DACH2: variants seen among roughly 807,000 people sequenced by gnomAD.
DACH2 encodes dachshund homolog 2.
In DACH2, 17 loss-of-function variants were observed where a neutral mutation model predicts 35.8. The ratio of observed to expected loss-of-function variants is 0.48; its 90% CI spans 0.33 to 0.71. DACH2 has a LOEUF of 0.71. DACH2 is among the 30% of genes least tolerant of loss of function. The pLI is 0.02. For synonymous variants in DACH2, 195 were observed against 177.3 expected, an observed-to-expected ratio of 1.10 and a Z score of -0.79; for missense variants, 469 against 472.7, an observed-to-expected ratio of 0.99 and a Z score of 0.07.
At chrX:86,699,291 T>C (rs1193855810) in intron 5 of DACH2, among the ~76,000 whole-genome samples, 1 of 112,412 alleles carries the variant, frequency 8.9e-6, no homozygotes, top group African/African-American at 3.2e-5. Flanking sequence ...TTTTCTAAGA[T>C]AGACCATGGA....
intron 6 of DACH2, 132 bp downstream of exon 6, chrX:86,714,852 G>A (rs1370226499): frequency 1.8e-6 from 1 of 548,708 alleles, no homozygotes. Flanking sequence ...CAGTATTGAT[G>A]GGTTTAGTTT....
intron 2 of DACH2, among the ~76,000 whole-genome samples, chrX:86,428,583 A>G (rs1458094856): frequency 8.9e-6 from 1 of 112,175 alleles, no homozygotes; most frequent in East Asian, 2.8e-4. Flanking sequence ...TATTATTAGA[A>G]CTGAAAAACA....
chrX:86,150,459 G>T (rs1353535146), intron 1 of DACH2, among the ~76,000 whole-genome samples: 1 of 112,287 alleles, frequency 8.9e-6, no homozygotes, highest in Non-Finnish European at 1.9e-5. Flanking sequence ...GCAAACTGTT[G>T]CTTACTGCTG....
At chrX:86,385,145 A>C (rs2036104786) in intron 2 of DACH2, among the ~76,000 whole-genome samples, 1 of 111,747 alleles carries the variant, frequency 8.9e-6, no homozygotes, top group Non-Finnish European at 1.9e-5. Context: ...AAATGAAACT[A>C]GTCTAAATTA....
intron 2 of DACH2, among the ~76,000 whole-genome samples, chrX:86,414,957 G>T (rs1045500947): frequency 2.7e-5 from 3 of 111,035 alleles, no homozygotes; most frequent in African/African-American, 6.6e-5. Context: ...TCCTTCTTTG[G>T]CAGCAGCCTC....
At chrX:86,424,324 TA>T (rs1044609085) in intron 2 of DACH2, among the ~76,000 whole-genome samples, 3 of 111,270 alleles carry the variant, frequency 2.7e-5, no homozygotes, top group Non-Finnish European at 3.8e-5. Context: ...GAAAATGAAA[TA>T]TTTTTTTCTA....
intron 1 of DACH2, among the ~76,000 whole-genome samples, chrX:86,247,998 A>C (rs144586829): frequency 2.3e-3 from 251 of 111,208 alleles, no homozygotes; most frequent in African/African-American, 7.9e-3. Context: ...ATATCCCTTC[A>C]TGATAAAACT....
chrX:86,715,185 C>T (rs1357323382), intron 6 of DACH2, among the ~76,000 whole-genome samples: 1 of 111,404 alleles, frequency 9.0e-6, no homozygotes, highest in Non-Finnish European at 1.9e-5. Flanking sequence ...CCCTCCTGAA[C>T]ATGTTTCCTC....
chrX:86,684,213 G>C lies in DACH2; in HGVS notation c.773-10808G>C, dbSNP rs2040915623. Among the ~76,000 whole-genome samples, 3 of 111,853 alleles carry C rather than the reference G, an allele frequency of 2.7e-5. No homozygotes were observed. The South Asian group carries it at 1.1e-3, about 41-fold the overall frequency. ...CGATTTATTGGTCAACATGAATTCT[G>C]TTGTCTAGAGACTGCATTATGGTTT... On this transcript the variant is annotated intron_variant, in intron 4 of 11. Coordinates refer to ENST00000373125, the MANE Select transcript of DACH2 (RefSeq NM_053281.3).
chrX:86,330,069 T>C (rs1044944520), intron 1 of DACH2, among the ~76,000 whole-genome samples: 1 of 112,043 alleles, frequency 8.9e-6, no homozygotes, highest in Non-Finnish European at 1.9e-5. Context: ...AGCACACAAG[T>C]GCCATTGTAT....
chrX:86,301,500 G>T (rs1232484583), intron 1 of DACH2, among the ~76,000 whole-genome samples: 1 of 111,922 alleles, frequency 8.9e-6, no homozygotes, highest in South Asian at 3.7e-4. Context: ...AAAAGCAGAA[G>T]TTTGTTGAGA....
chrX:86,161,869 A>G (rs1216526928), intron 1 of DACH2, among the ~76,000 whole-genome samples: 1 of 111,681 alleles, frequency 9.0e-6, no homozygotes, highest in East Asian at 2.8e-4. Flanking sequence ...AAGTCGTATG[A>G]TGTTTACATA....
At chrX:86,798,364 G>T (rs1307525922) in intron 7 of DACH2, among the ~76,000 whole-genome samples, 1 of 111,900 alleles carries the variant, frequency 8.9e-6, no homozygotes, top group East Asian at 2.8e-4. Flanking sequence ...GTAATGAGAG[G>T]CTCCATCCAG....
At chrX:86,763,611 G>T (rs1321050206) in intron 7 of DACH2, among the ~76,000 whole-genome samples, 1 of 110,791 alleles carries the variant, frequency 9.0e-6, no homozygotes, top group Non-Finnish European at 1.9e-5. Flanking sequence ...CCGCCACCAC[G>T]CCCGGCTGTT....
intron 1 of DACH2, among the ~76,000 whole-genome samples, chrX:86,361,428 T>C (rs1168800523): frequency 9.0e-6 from 1 of 111,689 alleles, no homozygotes; most frequent in Non-Finnish European, 1.9e-5. Flanking sequence ...ACAATTATCT[T>C]GGTATTTCAT....
chrX:86,709,117 A>T (rs1444144761), intron 5 of DACH2, among the ~76,000 whole-genome samples: 2 of 111,716 alleles, frequency 1.8e-5, no homozygotes, highest in South Asian at 3.7e-4. Flanking sequence ...ACAAGAAAAA[A>T]TGTAGTGGAC....
At chrX:86,223,723 G>A (rs2032762977) in intron 1 of DACH2, among the ~76,000 whole-genome samples, 1 of 111,851 alleles carries the variant, frequency 8.9e-6, no homozygotes. Context: ...TTCAAGAGAA[G>A]GTCCAAACCG....
chrX:86,536,770 T>C (rs2038807542), intron 3 of DACH2, among the ~76,000 whole-genome samples: 1 of 111,991 alleles, frequency 8.9e-6, no homozygotes, highest in South Asian at 3.7e-4. Flanking sequence ...TCAAAATGTA[T>C]AAAACGATGC....
intron 4 of DACH2, 104 bp downstream of exon 4, chrX:86,651,271 G>A: frequency 1.2e-6 from 1 of 863,732 alleles, no homozygotes; most frequent in Non-Finnish European, 1.6e-6. Flanking sequence ...GTCTACTTTG[G>A]TTATAAAGAT....
Sources: allele counts gnomAD v4.1 joint callset (sites outside exome capture counted in the v4.1 genomes callset), GRCh38; gene constraint gnomAD v4.1.1; transcripts MANE v1.5; gene names NCBI Gene and HGNC (gene_info 2026-07-23, HGNC 2026-07-21).